Variants in CFAP54 observed in about 807,000 individuals in gnomAD.
CFAP54 encodes cilia- and flagella-associated protein 54.
Under a neutral mutation model 370.4 loss-of-function variants are expected in CFAP54, and 290 were observed. That is an observed-to-expected ratio of 0.78 (90% confidence interval 0.71 to 0.86). The LOEUF (loss-of-function observed/expected upper bound fraction) is 0.86. Ranked by LOEUF, CFAP54 falls within the 40% of genes least tolerant of loss-of-function variation. The pLI is 0.00. For synonymous variants in CFAP54, 1,206 were observed against 1,236.5 expected (o/e 0.98, Z 0.52); for missense variants, 3,399 against 3,528.7 (o/e 0.96, Z 0.93).
chr12:96,812,633 A>G (rs768461274), intron 64 of CFAP54, among the ~76,000 whole-genome samples: 74 of 152,324 alleles, frequency 4.9e-4, no homozygotes, highest in African/African-American at 1.7e-3. Flanking sequence ...AAGCTTAACC[A>G]CTAACGCCTG....
At chr12:96,813,530 C>G (rs562439905) in intron 64 of CFAP54, among the ~76,000 whole-genome samples, 1 of 152,176 alleles carries the variant, frequency 6.6e-6, no homozygotes, top group Non-Finnish European at 1.5e-5. Flanking sequence ...GTTAAGTTCT[C>G]ATAAGAAAAA....
intron 62 of CFAP54, among the ~76,000 whole-genome samples, chr12:96,790,339 CA>C (rs200401080): frequency 0.013 from 1,662 of 124,630 alleles, 51 homozygotes; most frequent in East Asian, 0.12. Flanking sequence ...TTTCAAAGAA[CA>C]AAAAAAAAAA....
intron 44 of CFAP54, among the ~76,000 whole-genome samples, chr12:96,692,638 C>T (rs1957399981): frequency 1.3e-5 from 2 of 152,148 alleles, no homozygotes; most frequent in South Asian, 2.1e-4. Flanking sequence ...TCATTTAAGA[C>T]CAGTTCTAAT....
chr12:96,826,479 A>G (rs1455053965), intron 65 of CFAP54, among the ~76,000 whole-genome samples: 1 of 119,882 alleles, frequency 8.3e-6, no homozygotes, highest in African/African-American at 3.2e-5. Flanking sequence ...TATATAATAT[A>G]TGTAAATAAT....
At chr12:96,508,557 A>G (rs1239394161) in intron 4 of CFAP54, among the ~76,000 whole-genome samples, 1 of 151,186 alleles carries the variant, frequency 6.6e-6, no homozygotes, top group Non-Finnish European at 1.5e-5. Flanking sequence ...AAGTGCTGGA[A>G]TTACAGGTGT....
intron 25 of CFAP54, among the ~76,000 whole-genome samples, chr12:96,596,998 G>C (rs1956186993): frequency 6.6e-6 from 1 of 152,044 alleles, no homozygotes; most frequent in African/African-American, 2.4e-5. Flanking sequence ...AAGATTTGCT[G>C]GTGAAGATGT....
chr12:96,551,343 TGAGAA>T (rs1955692005), intron 15 of CFAP54, among the ~76,000 whole-genome samples: 1 of 152,080 alleles, frequency 6.6e-6, no homozygotes, highest in African/African-American at 2.4e-5. Flanking sequence ...ACTTGGGTAG[TGAGAA>T]GAGGAGTGGG....
chr12:96,520,545 G>A (rs1465843853), intron 6 of CFAP54, among the ~76,000 whole-genome samples: 3 of 151,694 alleles, frequency 2.0e-5, no homozygotes, highest in African/African-American at 7.3e-5. Flanking sequence ...ATTTATATAT[G>A]TGTCACTCCA....
At chr12:96,535,670 T>A in intron 12 of CFAP54, 70 bp downstream of exon 12, 2 of 977,802 alleles carry the variant, frequency 2.0e-6, no homozygotes, top group Non-Finnish European at 3.0e-6. Flanking sequence ...TAAGGCCGAA[T>A]TTAAAATATC....
At chr12:96,678,934 G>A (rs903665011) in intron 39 of CFAP54, among the ~76,000 whole-genome samples, 6 of 152,094 alleles carry the variant, frequency 3.9e-5, no homozygotes, top group African/African-American at 9.7e-5. Flanking sequence ...ACATTCTTTT[G>A]TTTTCAGTCC....
chr12:96,590,984 C>T (rs1047631896), intron 23 of CFAP54, among the ~76,000 whole-genome samples: 1 of 151,930 alleles, frequency 6.6e-6, no homozygotes, highest in African/African-American at 2.4e-5. Flanking sequence ...TGGTATCTCC[C>T]AGGAAACGAC....
chr12:96,756,336 TAGAC>T (rs1349018003), intron 56 of CFAP54, 118 bp from the exon 57 acceptor site: 3 of 602,620 alleles, frequency 5.0e-6, no homozygotes, highest in Non-Finnish European at 8.6e-6. Context: ...CTGGAAGAAA[TAGAC>T]AGACATACAA....
intron 60 of CFAP54, among the ~76,000 whole-genome samples, chr12:96,776,672 G>A (rs1958521151): frequency 6.6e-6 from 1 of 152,150 alleles, no homozygotes; most frequent in Non-Finnish European, 1.5e-5. Flanking sequence ...TGCGTAAGTG[G>A]TAGTTTCTTA....
intron 19 of CFAP54, among the ~76,000 whole-genome samples, chr12:96,570,012 T>C (rs537546352): frequency 2.0e-5 from 3 of 152,158 alleles, no homozygotes; most frequent in Non-Finnish European, 2.9e-5. Flanking sequence ...AGGGTCTTGC[T>C]CTGTCAGCCT....
chr12:96,603,097 G>T (rs1956262263), intron 26 of CFAP54, among the ~76,000 whole-genome samples: 1 of 152,204 alleles, frequency 6.6e-6, no homozygotes, highest in Non-Finnish European at 1.5e-5. Context: ...GCTGGTACCA[G>T]TTGTTCCTTT....
In CFAP54 at chr12:96,860,821, C is replaced by A. The variant is rs1424015909; in HGVS notation, c.9174C>A (p.Val3058=). ...NDKEPTPLSE[V]PFDISLPSIF... is the part of the protein sequence containing the mutation. ...AACACTTTTATGTTTTTCCTCAGGT[C>A]CCATTTGATATCTCACTGCCGTCTA... The change falls in exon 67 of 68, where the codon GTC becomes GTA. Residue 3058 remains valine (V), a splice_region_variant and synonymous_variant. Coordinates refer to ENST00000524981, the MANE Select transcript of CFAP54 (RefSeq NM_001306084.2). 2 of 1,529,258 alleles carry A rather than the reference C, an allele frequency of 1.3e-6. No individual in the cohort carries two copies. The highest frequency in any genetic ancestry group is 2.4e-5 in the South Asian group (2 of 82,100). The allele number at this position is 1,529,258 out of a possible 1,614,324, so 94.7% of individuals were successfully genotyped here. A position where few individuals can be genotyped will look rare whatever the true frequency, so the allele number is the denominator to read the frequency against.
chr12:96,679,798 G>A lies in CFAP54; in HGVS notation c.5716+46G>A, dbSNP rs141729150. 4.0e-5 allele frequency: 64 copies of A among 1,586,004 alleles called. No homozygotes were observed. In the African/African-American group the frequency reaches 5.9e-4, roughly 15 times the overall value. ...CTCTGAATCTTTCTTTATGTGGGGT[G>A]ACCACCCTGCAGATGTCCCTCTTCT... On this transcript the variant is annotated intron_variant, in intron 40 of 67. Coordinates refer to ENST00000524981, the MANE Select transcript of CFAP54 (RefSeq NM_001306084.2).
chr12:96,589,675 ATC>A, intron 23 of CFAP54, 112 bp downstream of exon 23: 1 of 512,446 alleles, frequency 2.0e-6, no homozygotes, highest in Non-Finnish European at 3.0e-6. Flanking sequence ...ATATACAATC[ATC>A]ATTTCTAATA....
At chr12:96,786,610 C>A in intron 61 of CFAP54, 65 bp from the exon 62 acceptor site, 1 of 1,186,194 alleles carries the variant, frequency 8.4e-7, no homozygotes, top group Non-Finnish European at 1.2e-6. Context: ...GAGCAAATAC[C>A]AGCAATATTG....
Sources: gnomAD v4.1 joint callset for allele counts (sites outside exome capture counted in the v4.1 genomes callset) on GRCh38, gnomAD v4.1.1 for gene constraint, MANE v1.5 for transcripts, NCBI Gene and HGNC (gene_info 2026-07-23, HGNC 2026-07-21) for gene names.